The following COL1A2 variants were observed in gnomAD, a reference collection of about 807,000 sequenced individuals.
COL1A2 encodes the protein collagen type I alpha 2 chain, also known as collagen alpha-2(I) chain.
In COL1A2, 49 loss-of-function variants were observed where a neutral mutation model predicts 174.3. That is an observed-to-expected ratio of 0.28 (90% CI 0.22 to 0.36). The LOEUF (loss-of-function observed/expected upper bound fraction) is 0.36. Ranked by LOEUF, COL1A2 falls within the 10% of genes least tolerant of loss-of-function variation. COL1A2 has a pLI of 1.00. For synonymous variants in COL1A2, 655 were observed against 606.6 expected (o/e 1.08, Z -1.17); for missense variants, 1,438 against 1,822.7 (o/e 0.79, Z 3.84).
intron 6 of COL1A2, among the ~76,000 whole-genome samples, chr7:94,402,704 G>A (rs1048252277): frequency 2.0e-5 from 3 of 152,014 alleles, no homozygotes; most frequent in African/African-American, 4.8e-5. Flanking sequence ...ACACACACAC[G>A]CAATTTAGTG....
chr7:94,398,324 T>G (rs1791621989), intron 2 of COL1A2, 58 bp from the exon 3 acceptor site: 1 of 620,152 alleles, frequency 1.6e-6, no homozygotes, highest in Admixed American at 3.7e-5. Flanking sequence ...ATGGAAGCTG[T>G]TTTTAAATAT....
At position 94,413,907 on chromosome 7, in the gene COL1A2, G is replaced by A. The variant is rs1562902836; in HGVS notation, c.1625G>A (p.Gly542Glu). 1 of 1,613,828 alleles carries A rather than the reference G, an allele frequency of 6.2e-7. No individual in the cohort carries two copies. The highest frequency in any genetic ancestry group is 1.1e-5 in the South Asian group (1 of 91,078). Residue 542 changes from glycine to glutamate, a missense_variant, in exon 28 of 52, where the codon GGA (glycine) becomes GAA (glutamate). By Grantham distance (98) the Gly-to-Glu change is moderately conservative. Around this residue, in one of 3 missense-constraint regions of COL1A2, gnomAD observed 867 missense variants for 1,213.7 expected, o/e 0.71. Transcript: ENST00000297268. ...GPPGPQGVQG[G>E]KGEQGPPGPP... The stretch of plus-strand genomic sequence containing the variant: ...TGTCACTTTCAGGGTGTTCAAGGTG[G>A]AAAAGGTGAACAGGGTCCCCCTGGT...
At chr7:94,396,336 G>GTGTGTC (rs906848196) in intron 1 of COL1A2, among the ~76,000 whole-genome samples, 6 of 151,032 alleles carry the variant, frequency 4.0e-5, no homozygotes, top group Admixed American at 1.3e-4. Flanking sequence ...GTGTGTGTGT[G>GTGTGTC]TGTGTGTCTG....
Position 94,399,908 on chromosome 7 carries a change from T to C in COL1A2, c.133-288T>C, listed in dbSNP as rs568524275. On this transcript the variant is annotated intron_variant, in intron 4 of 51. Coordinates refer to ENST00000297268, the MANE Select transcript of COL1A2 (RefSeq NM_000089.4). ...TAAACATATGAAGCACGTGGAACCA[T>C]ACATTTTGGCTATAATTTTTATATT... 1.1e-4 allele frequency among the ~76,000 whole-genome samples: 16 copies of C among 152,304 alleles called. 1 individual carries two copies. In the South Asian group the frequency reaches 3.1e-3, roughly 30 times the overall value.
intron 4 of COL1A2, 58 bp from the exon 5 acceptor site, chr7:94,400,138 A>G: frequency 6.6e-7 from 1 of 1,508,530 alleles, no homozygotes; most frequent in Non-Finnish European, 9.2e-7. Context: ...ACCACATATA[A>G]TTCTTAGGTT....
In COL1A2 at chr7:94,427,708, T is replaced by C. The variant is rs140419392; in HGVS notation, c.3349T>C (p.Tyr1117His). The change falls in exon 49 of 52, where the codon TAC becomes CAC. Residue 1117 changes from tyrosine to histidine, a missense_variant. Tyr to His is a moderately conservative substitution (Grantham distance 83, BLOSUM62 2). Coordinates refer to ENST00000297268, the MANE Select transcript of COL1A2 (RefSeq NM_000089.4). ...TGACTTTGGTTACGATGGAGACTTC[T>C]ACAGGGCTGACCAGCCTCGCTCAGC... The part of the protein sequence containing the change: ...GYDFGYDGDF[Y>H]RADQPRSAPS... The C allele has an allele frequency of 1.9e-6, 3 of 1,614,168 alleles. No individual in the cohort carries two copies. Among genetic ancestry groups the C allele is most frequent in the Non-Finnish European group, 2.5e-6 (3 of 1,180,026 alleles).
intron 16 of COL1A2, 129 bp from the exon 17 acceptor site, chr7:94,409,193 A>G: frequency 1.1e-6 from 1 of 940,604 alleles, no homozygotes; most frequent in Non-Finnish European, 1.7e-6. Flanking sequence ...TCTTGTAATA[A>G]AACGGATAAG....
Position 94,408,154 on chromosome 7 carries a change from G to A in COL1A2, c.640-29G>A, listed in dbSNP as rs375334535. 3 of 1,611,244 alleles carry A rather than the reference G, an allele frequency of 1.9e-6. No individual in the cohort carries two copies. In the Admixed American group the frequency reaches 5.0e-5, roughly 27 times the overall value. ...TGACTTTTTTTAAATTAGCATTCTG[G>A]ATTTTATTGAAAATATTTCTGCTTC... On this transcript the variant is annotated intron_variant, in intron 13 of 51. Coordinates refer to ENST00000297268, the MANE Select transcript of COL1A2 (RefSeq NM_000089.4).
chr7:94,421,872 T>C (rs1438862749), intron 38 of COL1A2, 27 bp from the exon 39 acceptor site: 5 of 1,613,156 alleles, frequency 3.1e-6, no homozygotes, highest in Non-Finnish European at 4.2e-6. Context: ...ATGTTGACTG[T>C]GGAATTCTAA....
In COL1A2 at chr7:94,396,314, TTGTGTG is replaced by T. The variant is rs60833112; in HGVS notation, c.70+1237_70+1242del. Among the ~76,000 whole-genome samples the T allele has an allele frequency of 1.7e-3, 261 of 149,588 alleles. 2 individuals are homozygous for T. Among genetic ancestry groups the T allele is most frequent in the East Asian group, 8.9e-3 (45 of 5,052 alleles). On this transcript the variant is annotated intron_variant, in intron 1 of 51. Transcript: ENST00000297268. ...CATAATTTCTAATGCATTTGTGTGC[TTGTGTG>T]TGTGTGTGTGTGTGTGTGTGTGTCT...
At chr7:94,408,280 C>A (rs1358564751) in intron 14 of COL1A2, 44 bp downstream of exon 14, 1 of 1,613,472 alleles carries the variant, frequency 6.2e-7, no homozygotes, top group Non-Finnish European at 8.5e-7. Flanking sequence ...TTTAAAAAAT[C>A]TTCTAATGGC....
chr7:94,403,095 CAAG>C (rs1455629866), intron 6 of COL1A2, among the ~76,000 whole-genome samples: 1 of 152,106 alleles, frequency 6.6e-6, no homozygotes, highest in African/African-American at 2.4e-5. Flanking sequence ...ACCTACATCT[CAAG>C]AAGAAGCAAG....
At chr7:94,410,186 C>T in intron 19 of COL1A2, 56 bp from the exon 20 acceptor site, 1 of 1,557,674 alleles carries the variant, frequency 6.4e-7, no homozygotes, top group Non-Finnish European at 8.8e-7. Context: ...GATTTGTCTG[C>T]AAGAGAGTTT....
rs1235438039 is a variant in COL1A2, at chr7:94,398,416, C to G, written c.96+20C>G. On this transcript the variant is annotated intron_variant, in intron 3 of 51. Coordinates refer to ENST00000297268, the MANE Select transcript of COL1A2 (RefSeq NM_000089.4). ...AGAAAGGTAAGAGTACACTACTTCT[C>G]CATAAATATCTAAAATTATCAGGGA... is the stretch of plus-strand genomic sequence containing the variant. The G allele has an allele frequency of 1.1e-6, 1 of 912,548 alleles. No homozygotes were observed. The highest frequency in any genetic ancestry group is 1.8e-5 in the African/African-American group (1 of 56,744). The allele number at this position is 912,548 out of a possible 1,614,324, so 56.5% of individuals were successfully genotyped here. A position where few individuals can be genotyped will look rare whatever the true frequency, so the allele number is the denominator to read the frequency against.
chr7:94,404,489 T>C, intron 6 of COL1A2, 67 bp from the exon 7 acceptor site: 1 of 1,563,684 alleles, frequency 6.4e-7, no homozygotes, highest in Non-Finnish European at 8.8e-7. Flanking sequence ...GTTGGTCATA[T>C]CTGACCCCAG....
chr7:94,409,255 A>T, intron 16 of COL1A2, 67 bp from the exon 17 acceptor site: 1 of 1,350,082 alleles, frequency 7.4e-7, no homozygotes, highest in East Asian at 2.3e-5. Context: ...AAAACTTGGC[A>T]TCTTAAAAAC....
chr7:94,409,872 A>G, intron 19 of COL1A2, 51 bp downstream of exon 19: 2 of 1,516,444 alleles, frequency 1.3e-6, no homozygotes, highest in Non-Finnish European at 1.8e-6. Context: ...CACCTCTGCC[A>G]TCATTTCATC....
rs779740221 is a variant in COL1A2 at position 94,430,414 on chromosome 7, AAAAG to A, written c.*29_*32del. ...AATAAATGAACTCAATCTAAATTAA[AAAAG>A]AAAGAAATTTGAAAAAACTTTCTCT... is the stretch of plus-strand genomic sequence containing the variant. On this transcript the variant is annotated 3_prime_UTR_variant, in exon 52 of 52. Coordinates refer to ENST00000297268, the MANE Select transcript of COL1A2 (RefSeq NM_000089.4). The A allele has an allele frequency of 2.5e-6, 4 of 1,609,766 alleles. No homozygotes were observed. The South Asian group carries it at 3.3e-5, about 13-fold the overall frequency.
chr7:94,429,605 T>A, intron 51 of COL1A2, 175 bp downstream of exon 51: 1 of 616,944 alleles, frequency 1.6e-6, no homozygotes, highest in Non-Finnish European at 2.7e-6. Flanking sequence ...TATTTATTTA[T>A]ACGTATTAAT....
Sources: allele counts gnomAD v4.1 joint callset (sites outside exome capture counted in the v4.1 genomes callset), GRCh38; gene constraint gnomAD v4.1.1; regional missense constraint gnomAD v4.1.1; transcripts MANE v1.5; gene names NCBI Gene and HGNC (gene_info 2026-07-23, HGNC 2026-07-21).